TTC28: variants seen among roughly 807,000 people sequenced by gnomAD.
The protein encoded by TTC28 is tetratricopeptide repeat protein 28.
A neutral mutation model predicts 198.0 loss-of-function variants in TTC28; 61 were observed. The observed-to-expected ratio is 0.31, with a 90% CI of 0.25 to 0.38. The LOEUF (loss-of-function observed/expected upper bound fraction) is 0.38, where lower values mean the gene tolerates loss of function less well. Ranked by LOEUF, TTC28 falls within the 10% of genes least tolerant of loss-of-function variation. The probability of loss-of-function intolerance (pLI) is 1.00; values close to 1 mark genes in which losing one functional copy is unlikely to be tolerated. For missense variants in TTC28, 2,678 were observed against 3,164.0 expected, an observed-to-expected ratio of 0.85 and a Z score of 3.69; for synonymous variants, 1,171 against 1,297.8, an observed-to-expected ratio of 0.90 and a Z score of 2.10.
intron 5 of TTC28, among the ~76,000 whole-genome samples, chr22:28,254,036 G>A (rs774325792): frequency 3.3e-5 from 5 of 151,530 alleles, no homozygotes; most frequent in Non-Finnish European, 5.9e-5. Flanking sequence ...CCCAGGAGGC[G>A]GAGGTTGCAG....
chr22:28,569,751 A>T (rs1305362737), intron 2 of TTC28, among the ~76,000 whole-genome samples: 1 of 152,226 alleles, frequency 6.6e-6, no homozygotes, highest in East Asian at 1.9e-4. Flanking sequence ...AGTAAAAGAA[A>T]CTATCAATAG....
intron 5 of TTC28, among the ~76,000 whole-genome samples, chr22:28,206,706 G>C (rs1489028153): frequency 6.6e-6 from 1 of 152,070 alleles, no homozygotes; most frequent in Non-Finnish European, 1.5e-5. Context: ...CTCTCATTAG[G>C]GGTTTGAAAA....
intron 2 of TTC28, among the ~76,000 whole-genome samples, chr22:28,629,141 A>G (rs1254513501): frequency 6.6e-6 from 1 of 152,132 alleles, no homozygotes; most frequent in African/African-American, 2.4e-5. Context: ...CCCTGATTAA[A>G]TACCATTCTG....
intron 12 of TTC28, among the ~76,000 whole-genome samples, chr22:28,084,366 T>A (rs1479310408): frequency 6.6e-6 from 1 of 152,188 alleles, no homozygotes; most frequent in East Asian, 1.9e-4. Context: ...TATCCGCTGT[T>A]CTGCAGCCAC....
chr22:28,185,672 TAA>T (rs1481050574), intron 5 of TTC28, among the ~76,000 whole-genome samples: 1 of 152,158 alleles, frequency 6.6e-6, no homozygotes, highest in Non-Finnish European at 1.5e-5. Context: ...TTACAGATTA[TAA>T]GACTATCCTG....
intron 5 of TTC28, among the ~76,000 whole-genome samples, chr22:28,271,803 C>T (rs1360356723): frequency 3.9e-5 from 6 of 152,162 alleles, no homozygotes; most frequent in Admixed American, 3.3e-4. Context: ...TGGGGTTTCA[C>T]CATGTTGGCC....
chr22:28,567,479 C>CATACATATATATATATAT (rs751694635), intron 2 of TTC28, among the ~76,000 whole-genome samples: 20 of 51,140 alleles, frequency 3.9e-4, no homozygotes, highest in Admixed American at 1.1e-3. Context: ...TACATACATA[C>CATACATATATATATATAT]ATATATATAT....
At chr22:28,348,468 C>T (rs2045944165) in intron 2 of TTC28, among the ~76,000 whole-genome samples, 1 of 152,110 alleles carries the variant, frequency 6.6e-6, no homozygotes, top group Non-Finnish European at 1.5e-5. Flanking sequence ...GCCAAGTGTG[C>T]TGAGGAACTG....
chr22:28,608,154 T>C (rs954294181), intron 2 of TTC28, among the ~76,000 whole-genome samples: 1 of 152,230 alleles, frequency 6.6e-6, no homozygotes, highest in African/African-American at 2.4e-5. Context: ...GCAAGCTTTG[T>C]GGGGTTTTTA....
At chr22:28,461,928 C>T (rs906632482) in intron 2 of TTC28, among the ~76,000 whole-genome samples, 2 of 152,284 alleles carry the variant, frequency 1.3e-5, no homozygotes, top group African/African-American at 2.4e-5. Flanking sequence ...CAGGTCCTTC[C>T]GTCCCAGTTA....
chr22:28,222,443 C>T (rs907136394), intron 5 of TTC28, among the ~76,000 whole-genome samples: 1 of 152,196 alleles, frequency 6.6e-6, no homozygotes, highest in Admixed American at 6.5e-5. Context: ...GCACTTGGTA[C>T]CTTAATGTCT....
At chr22:28,649,268 T>C (rs2051529109) in intron 1 of TTC28, among the ~76,000 whole-genome samples, 1 of 152,172 alleles carries the variant, frequency 6.6e-6, no homozygotes, top group Non-Finnish European at 1.5e-5. Flanking sequence ...TTGGGTACAA[T>C]GTACACCACT....
chr22:28,032,217 T>A (rs797009572), intron 12 of TTC28, among the ~76,000 whole-genome samples: 1 of 114,640 alleles, frequency 8.7e-6, no homozygotes, highest in Non-Finnish European at 1.8e-5. Flanking sequence ...TATATATATA[T>A]AAAATATATA....
intron 5 of TTC28, among the ~76,000 whole-genome samples, chr22:28,228,691 C>T (rs2147222233): frequency 1.3e-5 from 2 of 151,860 alleles, no homozygotes; most frequent in East Asian, 3.9e-4. Context: ...CAGAACAGGA[C>T]TCCATCAAAA....
intron 2 of TTC28, among the ~76,000 whole-genome samples, chr22:28,409,852 T>C (rs960437514): frequency 6.6e-6 from 1 of 151,782 alleles, no homozygotes; most frequent in African/African-American, 2.4e-5. Context: ...GAGATGGGGC[T>C]TCACCATGTT....
intron 1 of TTC28, among the ~76,000 whole-genome samples, chr22:28,673,355 C>A (rs1469249497): frequency 6.6e-6 from 1 of 151,946 alleles, no homozygotes; most frequent in Admixed American, 6.6e-5. Context: ...GCCTGGGCGA[C>A]AGAGACTCCG....
intron 12 of TTC28, among the ~76,000 whole-genome samples, chr22:28,053,073 C>T (rs1274725156): frequency 6.6e-6 from 1 of 152,228 alleles, no homozygotes; most frequent in Non-Finnish European, 1.5e-5. Flanking sequence ...GGAATAAAAG[C>T]TGTTGGTGCT....
At chr22:28,574,688 T>C (rs1756194916) in intron 2 of TTC28, among the ~76,000 whole-genome samples, 1 of 152,192 alleles carries the variant, frequency 6.6e-6, no homozygotes, top group South Asian at 2.1e-4. Context: ...ACAGCATTTG[T>C]TATTGATTGT....
intron 2 of TTC28, among the ~76,000 whole-genome samples, chr22:28,343,454 C>T (rs1028427435): frequency 6.7e-6 from 1 of 149,714 alleles, no homozygotes; most frequent in African/African-American, 2.5e-5. Flanking sequence ...CACTTGAACC[C>T]GGGAGGTGGA....
Sources: allele counts gnomAD v4.1 joint callset (sites outside exome capture counted in the v4.1 genomes callset), GRCh38; gene constraint gnomAD v4.1.1; transcripts MANE v1.5; gene names NCBI Gene and HGNC (gene_info 2026-07-23, HGNC 2026-07-21).